ERBB4: variants seen among roughly 807,000 people sequenced by gnomAD.
The protein encoded by ERBB4 is erb-b2 receptor tyrosine kinase 4.
A neutral mutation model predicts 158.0 loss-of-function variants in ERBB4; 42 were observed. That is an observed-to-expected ratio of 0.27 (90% CI 0.21 to 0.34). The LOEUF (loss-of-function observed/expected upper bound fraction) is 0.34, where lower values mean the gene tolerates loss of function less well. Ranked by LOEUF, ERBB4 falls within the 10% of genes least tolerant of loss-of-function variation. The pLI is 1.00. For synonymous variants in ERBB4, 583 were observed against 558.7 expected (o/e 1.04, Z -0.61); for missense variants, 1,333 against 1,624.1 (o/e 0.82, Z 3.08).
chr2:211,520,090 G>C (rs369466135), intron 20 of ERBB4, among the ~76,000 whole-genome samples: 34 of 152,174 alleles, frequency 2.2e-4, no homozygotes, highest in African/African-American at 6.5e-4. Flanking sequence ...GTTTAGAAAG[G>C]GTGTAATAAA....
chr2:212,059,995 G>A (rs1475722849), intron 2 of ERBB4, among the ~76,000 whole-genome samples: 2 of 152,166 alleles, frequency 1.3e-5, no homozygotes, highest in African/African-American at 4.8e-5. Context: ...TACCATCAGA[G>A]TGAACAGGCA....
chr2:212,299,031 T>G (rs1268696297), intron 1 of ERBB4, among the ~76,000 whole-genome samples: 5 of 151,760 alleles, frequency 3.3e-5, no homozygotes, highest in Non-Finnish European at 5.9e-5. Context: ...TTTTAAAGTG[T>G]CAGTCACTGA....
At chr2:211,515,896 T>TTATATATA (rs1206265176) in intron 20 of ERBB4, among the ~76,000 whole-genome samples, 12 of 88,946 alleles carry the variant, frequency 1.3e-4, no homozygotes, top group African/African-American at 5.2e-4. Context: ...AAAACATATA[T>TTATATATA]TATATATATA....
chr2:212,175,387 T>C (rs1029686009), intron 1 of ERBB4, among the ~76,000 whole-genome samples: 3 of 151,990 alleles, frequency 2.0e-5, no homozygotes, highest in Non-Finnish European at 4.4e-5. Context: ...TCTGCTTTCC[T>C]TTCTCCCTCC....
intron 12 of ERBB4, among the ~76,000 whole-genome samples, chr2:211,696,618 A>G (rs1362356389): frequency 6.6e-6 from 1 of 152,056 alleles, no homozygotes; most frequent in African/African-American, 2.4e-5. Context: ...TACTTCAGTA[A>G]ATCATCCAAT....
intron 3 of ERBB4, among the ~76,000 whole-genome samples, chr2:211,912,599 T>C (rs1397214207): frequency 6.6e-6 from 1 of 152,224 alleles, no homozygotes; most frequent in Non-Finnish European, 1.5e-5. Flanking sequence ...AGGTTTGTAT[T>C]GACAAAATTG....
intron 1 of ERBB4, among the ~76,000 whole-genome samples, chr2:212,206,317 A>G (rs2082743132): frequency 6.6e-6 from 1 of 152,160 alleles, no homozygotes; most frequent in Admixed American, 6.5e-5. Flanking sequence ...ATCTGGGTTC[A>G]AATCCTAGGA....
intron 1 of ERBB4, among the ~76,000 whole-genome samples, chr2:212,314,382 T>A (rs1017220356): frequency 6.6e-6 from 1 of 150,462 alleles, no homozygotes; most frequent in South Asian, 2.1e-4. Context: ...GTTAACAGCA[T>A]CCCAAAGTGG....
chr2:212,160,703 T>G (rs1018006487), intron 1 of ERBB4, among the ~76,000 whole-genome samples: 1 of 152,016 alleles, frequency 6.6e-6, no homozygotes, highest in African/African-American at 2.4e-5. Context: ...CGCTTTTCTT[T>G]TTTTAGAGAA....
chr2:211,610,612 G>A (rs1420906791), intron 19 of ERBB4, among the ~76,000 whole-genome samples: 1 of 152,102 alleles, frequency 6.6e-6, no homozygotes, highest in Non-Finnish European at 1.5e-5. Flanking sequence ...TGTTCAGATT[G>A]GAATAAGAAA....
chr2:211,883,833 T>C (rs1230268694), intron 3 of ERBB4, among the ~76,000 whole-genome samples: 3 of 152,092 alleles, frequency 2.0e-5, no homozygotes, highest in Non-Finnish European at 2.9e-5. Context: ...CTTTGAAAAG[T>C]TGGAAGATTT....
At chr2:211,410,348 G>A (rs538335008) in intron 25 of ERBB4, among the ~76,000 whole-genome samples, 7 of 152,224 alleles carry the variant, frequency 4.6e-5, no homozygotes, top group Admixed American at 3.9e-4. Context: ...GATTTACCAC[G>A]CTATGAGAAA....
At chr2:211,716,362 C>CAAAAAAAAAAAAAAAA (rs534486221) in intron 7 of ERBB4, among the ~76,000 whole-genome samples, 1 of 69,290 alleles carries the variant, frequency 1.4e-5, no homozygotes, top group African/African-American at 8.7e-5. Context: ...AACTCTGTCT[C>CAAAAAAAAAAAAAAAA]AAAAAAAAAA....
intron 3 of ERBB4, among the ~76,000 whole-genome samples, chr2:211,873,278 TCAA>T (rs533939753): frequency 1.3e-4 from 20 of 152,330 alleles, no homozygotes; most frequent in African/African-American, 4.8e-4. Flanking sequence ...ATAGATGACC[TCAA>T]CAACATGTTA....
Position 212,034,056 on chromosome 2 carries a change from G to T in ERBB4, c.235-86440C>A, listed in dbSNP as rs544211193. ...GTGTAGACCCAAAGTCTTATTTCTT[G>T]TCTCTTAAAATCAGTAGGGGTTATG... On this transcript the variant is annotated intron_variant, in intron 2 of 27. Transcript: ENST00000342788. Among the ~76,000 whole-genome samples the T allele has an allele frequency of 8.0e-4, 121 of 151,786 alleles. 1 individual carries two copies. Among genetic ancestry groups the T allele is most frequent in the African/African-American group, 2.7e-3 (114 of 41,502 alleles).
intron 1 of ERBB4, among the ~76,000 whole-genome samples, chr2:212,407,141 A>G (rs1015477206): frequency 6.6e-6 from 1 of 150,898 alleles, no homozygotes; most frequent in East Asian, 1.9e-4. Flanking sequence ...TATACATAAC[A>G]TATATTATAT....
chr2:211,658,007 C>T, intron 15 of ERBB4, 179 bp from the exon 16 acceptor site: 2 of 1,585,688 alleles, frequency 1.3e-6, no homozygotes, highest in Non-Finnish European at 1.7e-6. Context: ...GCAGAAAATG[C>T]AAATTTAAAA....
At chr2:211,733,443 T>TCCTCCAGCCTGGGCCATGCAGCAGA in intron 5 of ERBB4, among the ~76,000 whole-genome samples, 4 of 147,700 alleles carry the variant, frequency 2.7e-5, no homozygotes, top group African/African-American at 1.1e-4. Context: ...TGAATCTGCG[T>TCCTCCAGCCTGGGCCATGCAGCAGA]AAGAATACCA....
intron 1 of ERBB4, among the ~76,000 whole-genome samples, chr2:212,532,264 G>C (rs960122782): frequency 6.6e-6 from 1 of 152,108 alleles, no homozygotes; most frequent in Non-Finnish European, 1.5e-5. Flanking sequence ...TTCTAGTGCC[G>C]GACTTCTATG....
Sources: gnomAD v4.1 joint callset for allele counts (sites outside exome capture counted in the v4.1 genomes callset) on GRCh38, gnomAD v4.1.1 for gene constraint, MANE v1.5 for transcripts, NCBI Gene and HGNC (gene_info 2026-07-23, HGNC 2026-07-21) for gene names.